The following RIT2 variants were observed in gnomAD, a reference collection of about 807,000 sequenced individuals.
RIT2 encodes Ras like without CAAX 2.
A neutral mutation model predicts 23.7 loss-of-function variants in RIT2; 24 were observed. The observed-to-expected ratio is 1.01, with a 90% confidence interval of 0.73 to 1.43. The LOEUF is 1.43. Among genes scored for constraint, RIT2 ranks in the 40% most tolerant of loss-of-function variants. RIT2 has a pLI of 0.00. For synonymous variants in RIT2, 107 were observed against 91.1 expected, an observed-to-expected ratio of 1.17 and a Z score of -0.99; for missense variants, 236 against 266.9, an observed-to-expected ratio of 0.88 and a Z score of 0.81.
chr18:43,014,456 A>G (rs1305229042), intron 2 of RIT2, among the ~76,000 whole-genome samples: 2 of 151,710 alleles, frequency 1.3e-5, no homozygotes, highest in Non-Finnish European at 2.9e-5. Flanking sequence ...AAAAATGTTA[A>G]GCAGAAAGAA....
intron 4 of RIT2, among the ~76,000 whole-genome samples, chr18:42,864,252 C>T (rs1478681426): frequency 6.6e-6 from 1 of 152,160 alleles, no homozygotes; most frequent in Non-Finnish European, 1.5e-5. Flanking sequence ...AGTACTCACA[C>T]CATTAATGTG....
chr18:43,010,987 C>A (rs565807330), intron 2 of RIT2, among the ~76,000 whole-genome samples: 1 of 151,474 alleles, frequency 6.6e-6, no homozygotes, highest in Admixed American at 6.6e-5. Flanking sequence ...CTGTGAAAGA[C>A]AATGGAAAAA....
At chr18:43,107,048 G>A (rs1913839335) in intron 1 of RIT2, among the ~76,000 whole-genome samples, 1 of 152,206 alleles carries the variant, frequency 6.6e-6, no homozygotes, top group Non-Finnish European at 1.5e-5. Context: ...GTCTGTCAAT[G>A]TGTACAGTCG....
At chr18:42,956,047 A>G (rs1909963265) in intron 3 of RIT2, among the ~76,000 whole-genome samples, 2 of 152,188 alleles carry the variant, frequency 1.3e-5, no homozygotes, top group African/African-American at 4.8e-5. Flanking sequence ...AGGTGATTCA[A>G]GTATGCAGCT....
At chr18:43,007,196 G>A (rs149003371) in intron 2 of RIT2, among the ~76,000 whole-genome samples, 1 of 151,722 alleles carries the variant, frequency 6.6e-6, no homozygotes, top group East Asian at 2.0e-4. Flanking sequence ...TAACTGATAA[G>A]ATGTTGGCTT....
intron 4 of RIT2, among the ~76,000 whole-genome samples, chr18:42,913,888 A>G (rs1908837693): frequency 6.6e-6 from 1 of 152,084 alleles, no homozygotes; most frequent in South Asian, 2.1e-4. Context: ...AGGGTAATGC[A>G]TATGTTAACT....
chr18:43,090,412 C>T (rs1004405832), intron 1 of RIT2, among the ~76,000 whole-genome samples: 37 of 152,062 alleles, frequency 2.4e-4, no homozygotes, highest in Non-Finnish European at 3.2e-4. Context: ...AACACTTATA[C>T]GCTGTTGATG....
intron 1 of RIT2, among the ~76,000 whole-genome samples, chr18:43,101,795 G>A (rs1913690672): frequency 6.6e-6 from 1 of 152,060 alleles, no homozygotes; most frequent in African/African-American, 2.4e-5. Flanking sequence ...ATTTTTTTAA[G>A]GGCAGAAAAA....
chr18:43,115,124 T>C (rs1914038229), intron 1 of RIT2, among the ~76,000 whole-genome samples: 1 of 152,138 alleles, frequency 6.6e-6, no homozygotes. Context: ...CATACTTATT[T>C]TTATTATTAA....
chr18:43,029,597 G>A (rs1911808174), intron 2 of RIT2, among the ~76,000 whole-genome samples: 1 of 151,906 alleles, frequency 6.6e-6, no homozygotes, highest in Non-Finnish European at 1.5e-5. Flanking sequence ...TCTAGACAAG[G>A]AGATATGATC....
chr18:42,856,827 C>CTTTTTT (rs756725926), intron 4 of RIT2, among the ~76,000 whole-genome samples: 24 of 114,614 alleles, frequency 2.1e-4, no homozygotes, highest in Admixed American at 4.9e-4. Context: ...CTCTCTCTCT[C>CTTTTTT]TTTTTTTTTT....
chr18:43,024,743 C>A (rs901449183), intron 2 of RIT2, among the ~76,000 whole-genome samples: 1 of 145,832 alleles, frequency 6.9e-6, no homozygotes, highest in Non-Finnish European at 1.5e-5. Flanking sequence ...ACAACAACAA[C>A]AAAATAGCTC....
At chr18:42,783,069 G>A (rs117830895) in intron 4 of RIT2, among the ~76,000 whole-genome samples, 7 of 152,150 alleles carry the variant, frequency 4.6e-5, no homozygotes, top group South Asian at 2.1e-4. Context: ...TAGATGCTGC[G>A]TTTAAAATAC....
intron 2 of RIT2, among the ~76,000 whole-genome samples, chr18:43,007,586 A>T (rs550917912): frequency 6.6e-6 from 1 of 151,774 alleles, no homozygotes; most frequent in South Asian, 2.1e-4. Flanking sequence ...GAAAGCTATC[A>T]AAGTCTACTA....
At chr18:42,781,098 G>A (rs1411418396) in intron 4 of RIT2, among the ~76,000 whole-genome samples, 1 of 151,846 alleles carries the variant, frequency 6.6e-6, no homozygotes, top group Non-Finnish European at 1.5e-5. Context: ...TTTTCAAACT[G>A]AAAAAAGAAT....
chr18:42,859,233 T>C (rs1469834961), intron 4 of RIT2, among the ~76,000 whole-genome samples: 1 of 152,168 alleles, frequency 6.6e-6, no homozygotes, highest in Non-Finnish European at 1.5e-5. Context: ...CTATGCCTTG[T>C]TTATTTTTGA....
At chr18:43,058,433 A>G (rs1912560752) in intron 1 of RIT2, among the ~76,000 whole-genome samples, 1 of 152,100 alleles carries the variant, frequency 6.6e-6, no homozygotes, top group African/African-American at 2.4e-5. Flanking sequence ...GACCCACTAA[A>G]TTAGATTCTA....
At chr18:42,781,598 A>T (rs1368115678) in intron 4 of RIT2, among the ~76,000 whole-genome samples, 1 of 152,140 alleles carries the variant, frequency 6.6e-6, no homozygotes, top group Non-Finnish European at 1.5e-5. Flanking sequence ...AGGCACCAGA[A>T]CCCAGAGGAA....
intron 2 of RIT2, among the ~76,000 whole-genome samples, chr18:42,993,457 A>G (rs1179590660): frequency 6.6e-6 from 1 of 152,046 alleles, no homozygotes; most frequent in Non-Finnish European, 1.5e-5. Flanking sequence ...ATCAATATGG[A>G]AGCTACCCAC....
Sources: allele counts gnomAD v4.1 joint callset (sites outside exome capture counted in the v4.1 genomes callset), GRCh38; gene constraint gnomAD v4.1.1; transcripts MANE v1.5; gene names NCBI Gene and HGNC (gene_info 2026-07-23, HGNC 2026-07-21).